The following SNAP91 variants were observed in gnomAD, a reference collection of about 807,000 sequenced individuals.
SNAP91 encodes the protein clathrin coat assembly protein AP180.
Under a neutral mutation model 100.3 loss-of-function variants are expected in SNAP91, and 27 were observed. That is an observed-to-expected ratio of 0.27 (90% confidence interval 0.20 to 0.37). The LOEUF (loss-of-function observed/expected upper bound fraction) is 0.37. Ranked by LOEUF, SNAP91 falls within the 10% of genes least tolerant of loss-of-function variation. The probability of loss-of-function intolerance (pLI) is 1.00; values close to 1 mark genes in which losing one functional copy is unlikely to be tolerated. For missense variants in SNAP91, 986 were observed against 1,123.7 expected (o/e 0.88, Z 1.75); for synonymous variants, 404 against 398.6 (o/e 1.01, Z -0.16).
At chr6:83,608,566 A>T (rs899109410) in intron 12 of SNAP91, among the ~76,000 whole-genome samples, 5 of 152,172 alleles carry the variant, frequency 3.3e-5, no homozygotes, top group Non-Finnish European at 5.9e-5. Context: ...TAGTTCTGTT[A>T]GTGGAGATGA....
chr6:83,685,438 T>C (rs2099047708), intron 2 of SNAP91, among the ~76,000 whole-genome samples: 1 of 152,214 alleles, frequency 6.6e-6, no homozygotes, highest in Non-Finnish European at 1.5e-5. Context: ...CCCATTGTCA[T>C]TAAAAATAAT....
At chr6:83,578,487 T>C (rs1157506315) in intron 24 of SNAP91, among the ~76,000 whole-genome samples, 1 of 152,208 alleles carries the variant, frequency 6.6e-6, no homozygotes, top group African/African-American at 2.4e-5. Context: ...TTCATGTGCA[T>C]ATTGGCCATC....
At chr6:83,611,396 T>C (rs1406625715) in intron 11 of SNAP91, 2 of 454,816 alleles carry the variant, frequency 4.4e-6, no homozygotes, top group African/African-American at 4.0e-5. Context: ...TGCAGATCAC[T>C]TCTAGGAAAG....
At chr6:83,650,372 G>T (rs2128637902) in intron 7 of SNAP91, among the ~76,000 whole-genome samples, 1 of 152,174 alleles carries the variant, frequency 6.6e-6, no homozygotes, top group East Asian at 1.9e-4. Context: ...GATACAGGCA[G>T]ATCTGAGAAT....
At chr6:83,685,180 A>G (rs1043570624) in intron 2 of SNAP91, among the ~76,000 whole-genome samples, 1 of 152,332 alleles carries the variant, frequency 6.6e-6, no homozygotes, top group South Asian at 2.1e-4. Flanking sequence ...CCATGTTAAC[A>G]CAGTTGCCAG....
intron 7 of SNAP91, among the ~76,000 whole-genome samples, chr6:83,648,333 T>A (rs1164314919): frequency 6.6e-6 from 1 of 152,138 alleles, no homozygotes; most frequent in Non-Finnish European, 1.5e-5. Context: ...TATGAATACA[T>A]CTTTTGTTTA....
At chr6:83,674,740 T>C (rs1049915790) in intron 2 of SNAP91, among the ~76,000 whole-genome samples, 2 of 152,164 alleles carry the variant, frequency 1.3e-5, no homozygotes, top group African/African-American at 2.4e-5. Flanking sequence ...TAATGGGTTA[T>C]ATTTCGGGAA....
rs187346731 is a variant in SNAP91, at chr6:83,578,610, G to C, written c.2299+1840C>G. On this transcript the variant is annotated intron_variant, in intron 24 of 29. Coordinates refer to ENST00000369694, the MANE Select transcript of SNAP91 (RefSeq NM_001242792.2). ...GTGTTTTCATTATTGAATTGTTAGAGTTCTTTATTCTGAGTACAAGTCTCT... is the reference window on the plus strand; with the variant it reads ...GTGTTTTCATTATTGAATTGTTAGACTTCTTTATTCTGAGTACAAGTCTCT... Among the ~76,000 whole-genome samples the C allele has an allele frequency of 9.3e-4, 142 of 152,198 alleles. 1 individual carries two copies. The highest frequency in any genetic ancestry group is 3.4e-3 in the Middle Eastern group (1 of 292).
rs144401849 is a variant in SNAP91 at position 83,572,224 on chromosome 6, C to T, written c.2442+2786G>A. Among the ~76,000 whole-genome samples, 39 of 152,236 alleles carry T rather than the reference C, an allele frequency of 2.6e-4. No individual in the cohort carries two copies. In the East Asian group the frequency reaches 7.5e-3, roughly 29 times the overall value. ...ATTTGTCTTCTTCTCTTCCTTTCTA[C>T]CCTAACTCAGGCTCTAAACGTTTTT... On this transcript the variant is annotated intron_variant, in intron 26 of 29. Coordinates refer to ENST00000369694, the MANE Select transcript of SNAP91 (RefSeq NM_001242792.2).
In SNAP91 at chr6:83,686,109, G is replaced by A. The variant is rs1308764664; in HGVS notation, c.131-20528C>T. On this transcript the variant is annotated intron_variant, in intron 2 of 29. Coordinates refer to ENST00000369694, the MANE Select transcript of SNAP91 (RefSeq NM_001242792.2). ...TGATTAAATGTTTGTTGTGAACCTGGAACATACTCTGCTTTTACCTCAGTT... is the reference window on the plus strand; with the variant it reads ...TGATTAAATGTTTGTTGTGAACCTGAAACATACTCTGCTTTTACCTCAGTT... The A allele has an allele frequency of 1.1e-5, 10 of 942,178 alleles. No homozygotes were observed. The African/African-American group carries it at 1.8e-4, about 17-fold the overall frequency. 58.4% of individuals were successfully genotyped at this position (942,178 alleles called of 1,614,324 possible).
intron 9 of SNAP91, among the ~76,000 whole-genome samples, chr6:83,620,527 T>A (rs776934548): frequency 6.6e-6 from 1 of 152,068 alleles, no homozygotes; most frequent in Non-Finnish European, 1.5e-5. Flanking sequence ...CTGTCAGAGG[T>A]CTAAATCCTC....
chr6:83,561,469 C>T (rs1787530818), intron 26 of SNAP91, among the ~76,000 whole-genome samples: 1 of 152,196 alleles, frequency 6.6e-6, no homozygotes, highest in African/African-American at 2.4e-5. Context: ...GGTTCTAGCA[C>T]CACATCAATG....
intron 26 of SNAP91, among the ~76,000 whole-genome samples, chr6:83,561,883 A>G (rs991534096): frequency 6.6e-6 from 1 of 152,092 alleles, no homozygotes; most frequent in Non-Finnish European, 1.5e-5. Context: ...AGCTGGGCCT[A>G]ATTTTTGGTG....
chr6:83,564,256 G>A (rs941711945), intron 26 of SNAP91, among the ~76,000 whole-genome samples: 4 of 151,222 alleles, frequency 2.6e-5, no homozygotes, highest in Admixed American at 6.6e-5. Flanking sequence ...TATGTCAGAC[G>A]GTCAATTAAT....
chr6:83,672,160 C>G (rs563471079), intron 2 of SNAP91, among the ~76,000 whole-genome samples: 1 of 152,128 alleles, frequency 6.6e-6, no homozygotes, highest in Non-Finnish European at 1.5e-5. Flanking sequence ...GATACCTTTA[C>G]GTGCTATTCT....
At chr6:83,592,255 C>T (rs1181933951) in intron 21 of SNAP91, among the ~76,000 whole-genome samples, 200 bp downstream of exon 21, 1 of 151,738 alleles carries the variant, frequency 6.6e-6, no homozygotes, top group African/African-American at 2.4e-5. Flanking sequence ...AGGTCATGCA[C>T]TGAAAGTTAT....
rs764198655 is a variant in SNAP91 at position 83,656,783 on chromosome 6, C to G, written c.629G>C (p.Cys210Ser). The stretch of plus-strand genomic sequence containing the variant: ...TAAGTTAATAACACCATCATTGTAG[C>G]AAGCAAAAAGTTTGATAAGATCTTT... Reference protein sequence around the residue: ...LFKDLIKLFACYNDGVINLLE... With the variant: ...LFKDLIKLFASYNDGVINLLE... Residue 210 changes from cysteine (C) to serine (S), a missense_variant, in exon 7 of 30, where the codon TGC (cysteine) becomes TCC (serine). Transcript: ENST00000369694. The G allele has an allele frequency of 6.3e-7, 1 of 1,598,750 alleles. No homozygotes were observed. Among genetic ancestry groups the G allele is most frequent in the South Asian group, 1.1e-5 (1 of 89,630 alleles).
In SNAP91 at chr6:83,593,350, A is replaced by G. The variant is rs1316070790; in HGVS notation, c.1697-91T>C. 2.0e-6 allele frequency: 3 copies of G among 1,516,762 alleles called. No individual in the cohort carries two copies. The African/African-American group carries it at 4.2e-5, about 21-fold the overall frequency. 94.0% of individuals were successfully genotyped at this position (1,516,762 alleles called of 1,614,324 possible). A position where few individuals can be genotyped will look rare whatever the true frequency, so the allele number is the denominator to read the frequency against. Reference sequence around the variant, plus strand: ...CAGTCCTTAATTAGCACTTTGAAGAACTCTGAATTAAGCAGCAAATGGTTT... The same window carrying G: ...CAGTCCTTAATTAGCACTTTGAAGAGCTCTGAATTAAGCAGCAAATGGTTT... On this transcript the variant is annotated intron_variant, in intron 18 of 29. Coordinates refer to ENST00000369694, the MANE Select transcript of SNAP91 (RefSeq NM_001242792.2).
At chr6:83,565,160 C>T (rs1794825827) in intron 26 of SNAP91, among the ~76,000 whole-genome samples, 1 of 151,744 alleles carries the variant, frequency 6.6e-6, no homozygotes, top group Non-Finnish European at 1.5e-5. Context: ...TTACTTTGAG[C>T]TGAAGGCAAC....
Sources: gnomAD v4.1 joint callset for allele counts (sites outside exome capture counted in the v4.1 genomes callset) on GRCh38, gnomAD v4.1.1 for gene constraint, MANE v1.5 for transcripts, NCBI Gene and HGNC (gene_info 2026-07-23, HGNC 2026-07-21) for gene names.